Variants in SHROOM2 observed in about 807,000 individuals in gnomAD.
SHROOM2 encodes shroom family member 2, also known as protein Shroom2.
Under a neutral mutation model 75.9 loss-of-function variants are expected in SHROOM2, and 33 were observed. The observed-to-expected ratio is 0.43, with a 90% CI of 0.33 to 0.58. The LOEUF is 0.58. SHROOM2 is among the 20% of genes least tolerant of loss of function. SHROOM2 has a pLI of 0.04. For missense variants in SHROOM2, 1,434 were observed against 1,461.2 expected, an observed-to-expected ratio of 0.98 and a Z score of 0.30; for synonymous variants, 655 against 663.6, an observed-to-expected ratio of 0.99 and a Z score of 0.20.
At chrX:9,934,298 C>G (rs1441950150) in intron 6 of SHROOM2, among the ~76,000 whole-genome samples, 1 of 111,539 alleles carries the variant, frequency 9.0e-6, no homozygotes, top group Non-Finnish European at 1.9e-5. Context: ...CCTCACTGCT[C>G]TAGAGTCTCA....
chrX:9,805,896 T>A, intron 1 of SHROOM2, among the ~76,000 whole-genome samples: 1 of 91,726 alleles, frequency 1.1e-5, no homozygotes. Context: ...AGAGTGAAAC[T>A]GTGTCTCAAA....
At chrX:9,900,499 C>T (rs777232036) in intron 5 of SHROOM2, among the ~76,000 whole-genome samples, 2 of 111,934 alleles carry the variant, frequency 1.8e-5, no homozygotes, top group Non-Finnish European at 3.8e-5. Flanking sequence ...ATAATCGATG[C>T]GTAGCAAAAA....
At chrX:9,939,132 G>C (rs761446285) in intron 7 of SHROOM2, 63 bp from the exon 8 acceptor site, 37 of 1,001,094 alleles carry the variant, frequency 3.7e-5, no homozygotes, top group Non-Finnish European at 4.7e-5. Flanking sequence ...CCCAGGGGGT[G>C]GGGCAGAGGG....
chrX:9,897,878 C>T (rs1282553121), intron 4 of SHROOM2, among the ~76,000 whole-genome samples: 2 of 111,956 alleles, frequency 1.8e-5, no homozygotes, highest in South Asian at 3.7e-4. Context: ...CATGCTTGCT[C>T]TGTCAGGAGC....
rs1569135035 is a variant in SHROOM2, at chrX:9,798,602, A to G, written c.165+11892A>G. On this transcript the variant is annotated intron_variant, in intron 1 of 9. Coordinates refer to ENST00000380913, the MANE Select transcript of SHROOM2 (RefSeq NM_001649.4). ...ACCCTTAAGAATTACATTGTCAACAATCTTTGGAATCAGATGAAAGGAGTT... is the reference window on the plus strand; with the variant it reads ...ACCCTTAAGAATTACATTGTCAACAGTCTTTGGAATCAGATGAAAGGAGTT... 2.7e-5 allele frequency among the ~76,000 whole-genome samples: 3 copies of G among 112,036 alleles called. No individual in the cohort carries two copies. In the South Asian group the frequency reaches 1.1e-3, roughly 42 times the overall value.
intron 6 of SHROOM2, among the ~76,000 whole-genome samples, chrX:9,933,847 A>C (rs2084674260): frequency 8.9e-6 from 1 of 112,281 alleles, no homozygotes; most frequent in African/African-American, 3.2e-5. Context: ...AAGGACTGAG[A>C]AATGGAAGAA....
At chrX:9,838,052 G>T (rs1458212007) in intron 1 of SHROOM2, among the ~76,000 whole-genome samples, 2 of 97,282 alleles carry the variant, frequency 2.1e-5, no homozygotes, top group Admixed American at 1.2e-4. Context: ...CTGTGTGTGT[G>T]TGTGGTTTTT....
chrX:9,915,931 T>C (rs2084487034), intron 5 of SHROOM2, among the ~76,000 whole-genome samples: 1 of 111,993 alleles, frequency 8.9e-6, no homozygotes, highest in Non-Finnish European at 1.9e-5. Flanking sequence ...GAAGCTGATA[T>C]GCTATTCTAA....
intron 1 of SHROOM2, among the ~76,000 whole-genome samples, chrX:9,840,787 A>G (rs1476556488): frequency 8.9e-6 from 1 of 111,853 alleles, no homozygotes; most frequent in East Asian, 2.8e-4. Flanking sequence ...TGGTTGTGGA[A>G]TATGGGTGAG....
At chrX:9,801,049 T>C (rs753486393) in intron 1 of SHROOM2, among the ~76,000 whole-genome samples, 1 of 110,943 alleles carries the variant, frequency 9.0e-6, no homozygotes, top group East Asian at 2.8e-4. Flanking sequence ...AGGAAAGAGG[T>C]TTAATGGACT....
rs1474026703 is a variant in SHROOM2, at chrX:9,932,709, C to T, written c.3426C>T (p.Asp1142=). The change falls in exon 6 of 10, where the codon GAC becomes GAT. Residue 1142 remains aspartate (D), a synonymous_variant. Coordinates refer to ENST00000380913, the MANE Select transcript of SHROOM2 (RefSeq NM_001649.4). ...CERGSQHVSG[D]ASRPLPEALL... ...GTGGAAGCCAGCATGTGAGCGGGGACGCATCACGTCCTCTGCCAGAAGCAC... is the reference window on the plus strand; with the variant it reads ...GTGGAAGCCAGCATGTGAGCGGGGATGCATCACGTCCTCTGCCAGAAGCAC... The T allele has an allele frequency of 1.7e-5, 20 of 1,209,904 alleles. No individual in the cohort carries two copies. The highest frequency in any genetic ancestry group is 5.2e-5 in the African/African-American group (3 of 57,397).
At chrX:9,808,762 T>C (rs1210317210) in intron 1 of SHROOM2, among the ~76,000 whole-genome samples, 2 of 109,942 alleles carry the variant, frequency 1.8e-5, no homozygotes, top group Non-Finnish European at 3.8e-5. Flanking sequence ...CTCGGGAGGC[T>C]GAGGCAAGAG....
intron 8 of SHROOM2, among the ~76,000 whole-genome samples, chrX:9,943,759 A>G: frequency 8.9e-6 from 1 of 112,629 alleles, no homozygotes; most frequent in Middle Eastern, 4.6e-3. Flanking sequence ...ATTTTGGTCA[A>G]GTTGAAATCA....
chrX:9,826,427 T>A lies in SHROOM2; in HGVS notation c.165+39717T>A, dbSNP rs765114294. ...GTATCATTTTCCTTTTTTTTTAATCTCTATTTCTAAGAATAACTTTATCTT... is the reference window on the plus strand; with the variant it reads ...GTATCATTTTCCTTTTTTTTTAATCACTATTTCTAAGAATAACTTTATCTT... On this transcript the variant is annotated intron_variant, in intron 1 of 9. Transcript: ENST00000380913. Among the ~76,000 whole-genome samples, 234 of 111,599 alleles carry A rather than the reference T, an allele frequency of 2.1e-3. 1 individual carries two copies. The highest frequency in any genetic ancestry group is 9.2e-3 in the Middle Eastern group (2 of 218).
chrX:9,940,558 C>T (rs1386004743), intron 8 of SHROOM2, among the ~76,000 whole-genome samples: 1 of 111,965 alleles, frequency 8.9e-6, no homozygotes, highest in Non-Finnish European at 1.9e-5. Flanking sequence ...GCACCAGAAG[C>T]ACATGCTGTA....
intron 1 of SHROOM2, among the ~76,000 whole-genome samples, chrX:9,857,941 G>C (rs1955685147): frequency 9.0e-6 from 1 of 110,854 alleles, no homozygotes; most frequent in Admixed American, 9.5e-5. Flanking sequence ...CATCCTGAGG[G>C]TGTGTGTTCT....
chrX:9,866,126 G>A (rs2084137016), intron 1 of SHROOM2, among the ~76,000 whole-genome samples: 1 of 103,600 alleles, frequency 9.7e-6, no homozygotes, highest in Non-Finnish European at 2.0e-5. Flanking sequence ...AACACATTTG[G>A]GTGGGGATTT....
chrX:9,855,295 TAAAAA>T (rs57235424), intron 1 of SHROOM2, among the ~76,000 whole-genome samples: 4 of 39,300 alleles, frequency 1.0e-4, no homozygotes, highest in South Asian at 2.0e-3. Flanking sequence ...TAAAGTATAG[TAAAAA>T]AAAAAAAAAA....
intron 1 of SHROOM2, among the ~76,000 whole-genome samples, chrX:9,807,678 C>G (rs1417838008): frequency 8.9e-6 from 1 of 112,028 alleles, no homozygotes; most frequent in Non-Finnish European, 1.9e-5. Flanking sequence ...AAATTAGACT[C>G]CTGAGATTAA....
Sources: allele counts gnomAD v4.1 joint callset (sites outside exome capture counted in the v4.1 genomes callset), GRCh38; gene constraint gnomAD v4.1.1; transcripts MANE v1.5; gene names NCBI Gene and HGNC (gene_info 2026-07-23, HGNC 2026-07-21).